The following CNTNAP4 variants were observed in gnomAD, a reference collection of about 807,000 sequenced individuals.
CNTNAP4 encodes contactin-associated protein-like 4.
Under a neutral mutation model 148.4 loss-of-function variants are expected in CNTNAP4, and 98 were observed. The observed-to-expected ratio is 0.66, with a 90% confidence interval of 0.56 to 0.78. The LOEUF is 0.78. Ranked by LOEUF, CNTNAP4 falls within the 30% of genes least tolerant of loss-of-function variation. The pLI is 0.00. For synonymous variants in CNTNAP4, 730 were observed against 565.1 expected (o/e 1.29, Z -4.14); for missense variants, 1,935 against 1,565.6 (o/e 1.24, Z -3.98).
chr16:76,391,995 A>ATGTG (rs1178806446), intron 3 of CNTNAP4, among the ~76,000 whole-genome samples: 6 of 117,116 alleles, frequency 5.1e-5, no homozygotes, highest in African/African-American at 1.5e-4. Flanking sequence ...AAGTATCCTA[A>ATGTG]TGTGTTTGTT....
At chr16:76,461,382 T>C (rs1382276352) in intron 8 of CNTNAP4, among the ~76,000 whole-genome samples, 1 of 152,126 alleles carries the variant, frequency 6.6e-6, no homozygotes, top group Non-Finnish European at 1.5e-5. Context: ...GAGTTACAAG[T>C]AAGTTCTAAT....
intron 3 of CNTNAP4, among the ~76,000 whole-genome samples, chr16:76,368,764 A>ATACC (rs2014448141): frequency 6.6e-6 from 1 of 152,190 alleles, no homozygotes; most frequent in Non-Finnish European, 1.5e-5. Flanking sequence ...TGGCACATGT[A>ATACC]TACCTATGTA....
chr16:76,458,669 A>C (rs72797084), intron 8 of CNTNAP4, among the ~76,000 whole-genome samples: 6,583 of 152,196 alleles, frequency 0.043, 310 homozygotes, highest in African/African-American at 0.12. Context: ...TGGTAATGCA[A>C]GTGATAGGAG....
At chr16:76,284,522 T>A (rs963787917) in intron 1 of CNTNAP4, among the ~76,000 whole-genome samples, 1 of 151,966 alleles carries the variant, frequency 6.6e-6, no homozygotes, top group Non-Finnish European at 1.5e-5. Flanking sequence ...AAGATTAACA[T>A]TGGAATTGGA....
At chr16:76,356,174 C>T (rs1179326114) in intron 3 of CNTNAP4, among the ~76,000 whole-genome samples, 1 of 152,042 alleles carries the variant, frequency 6.6e-6, no homozygotes, top group Non-Finnish European at 1.5e-5. Flanking sequence ...TGAGCCCAGC[C>T]TGCATTGTCT....
In CNTNAP4 at chr16:76,535,760, T is replaced by C. The variant is rs770335753; in HGVS notation, c.2971T>C (p.Tyr991His). 6 of 1,613,888 alleles carry C rather than the reference T, an allele frequency of 3.7e-6. No individual in the cohort carries two copies. The highest frequency in any genetic ancestry group is 5.1e-6 in the Non-Finnish European group (6 of 1,179,838). Residue 991 changes from tyrosine to histidine, a missense_variant, in exon 18 of 24, where the codon TAC (tyrosine) becomes CAC (histidine). Coordinates refer to ENST00000611870, the MANE Select transcript of CNTNAP4 (RefSeq NM_033401.5). ...CTTTTGTGACTGCACTTTCTCTGCA[T>C]ACACAGGGCCATTCTGCTCAAATGG... ...GFFCDCTFSA[Y>H]TGPFCSNEIS...
chr16:76,360,665 C>T (rs1466308063), intron 3 of CNTNAP4, among the ~76,000 whole-genome samples: 3 of 152,190 alleles, frequency 2.0e-5, no homozygotes, highest in Non-Finnish European at 2.9e-5. Context: ...TTTTATCTTT[C>T]AAGAGACTGA....
chr16:76,457,103 A>G (rs115530458), intron 8 of CNTNAP4, among the ~76,000 whole-genome samples: 1,852 of 152,336 alleles, frequency 0.012, 34 homozygotes, highest in African/African-American at 0.043. Context: ...TACTTACACA[A>G]TATCAGAAAC....
At position 76,452,684 on chromosome 16, in the gene CNTNAP4, A is replaced by G. The variant is rs28584228; in HGVS notation, c.1248A>G (p.Ser416=). The G allele has an allele frequency of 0.1, 169,075 of 1,613,512 alleles. 10,715 individuals are homozygous for G. The highest frequency in any genetic ancestry group is 0.24 in the South Asian group (21,674 of 91,000). The change falls in exon 8 of 24, where the codon TCA becomes TCG. Residue 416 remains serine, a synonymous_variant. Transcript: ENST00000611870. ...LLLFSELQLI[S]GGILLFLSDG... is the part of the protein sequence containing the mutation. ...TGTTCAGTGAACTTCAGCTGATTTCAGGGGGTATCCTCCTCTTTCTGAGTG... is the reference window on the plus strand; with the variant it reads ...TGTTCAGTGAACTTCAGCTGATTTCGGGGGGTATCCTCCTCTTTCTGAGTG...
chr16:76,460,448 C>T (rs1451154850), intron 8 of CNTNAP4, among the ~76,000 whole-genome samples: 8 of 151,404 alleles, frequency 5.3e-5, no homozygotes, highest in African/African-American at 1.9e-4. Context: ...TCTGTTCAGT[C>T]CCTTCCCATA....
intron 3 of CNTNAP4, among the ~76,000 whole-genome samples, chr16:76,377,641 C>T (rs558351582): frequency 3.3e-5 from 5 of 152,206 alleles, no homozygotes; most frequent in Non-Finnish European, 5.9e-5. Flanking sequence ...CTGTGGTTTG[C>T]CAGAGGACCT....
chr16:76,347,766 C>G (rs894142161), intron 2 of CNTNAP4, among the ~76,000 whole-genome samples: 1 of 151,624 alleles, frequency 6.6e-6, no homozygotes, highest in Non-Finnish European at 1.5e-5. Flanking sequence ...ATTCAAAGAA[C>G]AGCAAGGAGG....
At chr16:76,556,393 C>G (rs1046533876) in intron 23 of CNTNAP4, among the ~76,000 whole-genome samples, 2 of 152,070 alleles carry the variant, frequency 1.3e-5, no homozygotes, top group Admixed American at 6.6e-5. Flanking sequence ...CACGTGTGAT[C>G]AAAGTTTTTC....
chr16:76,339,521 G>T (rs1348525152), intron 2 of CNTNAP4, among the ~76,000 whole-genome samples: 1 of 151,850 alleles, frequency 6.6e-6, no homozygotes, highest in Non-Finnish European at 1.5e-5. Context: ...ACACTCTAGA[G>T]AAGATTGATG....
chr16:76,553,809 T>A, intron 22 of CNTNAP4, 27 bp from the exon 23 acceptor site: 1 of 1,494,574 alleles, frequency 6.7e-7, no homozygotes, highest in East Asian at 2.3e-5. Flanking sequence ...TATATCACCT[T>A]CCCCCTTTGT....
At chr16:76,376,001 C>G (rs772505244) in intron 3 of CNTNAP4, among the ~76,000 whole-genome samples, 16 of 151,662 alleles carry the variant, frequency 1.1e-4, no homozygotes, top group Non-Finnish European at 2.9e-5. Flanking sequence ...CAATACTATA[C>G]ACATGAAAGA....
intron 23 of CNTNAP4, among the ~76,000 whole-genome samples, chr16:76,555,439 T>G (rs2144426421): frequency 6.6e-6 from 1 of 152,324 alleles, no homozygotes; most frequent in South Asian, 2.1e-4. Flanking sequence ...CAGTAAAAAC[T>G]CACTTAAAGC....
intron 2 of CNTNAP4, among the ~76,000 whole-genome samples, chr16:76,346,630 A>T (rs1360042338): frequency 1.3e-5 from 2 of 152,162 alleles, no homozygotes; most frequent in African/African-American, 4.8e-5. Context: ...CCTGATTATC[A>T]TCTGAATTTC....
chr16:76,345,891 A>T (rs59062545), intron 2 of CNTNAP4, among the ~76,000 whole-genome samples: 1 of 152,052 alleles, frequency 6.6e-6, no homozygotes, highest in East Asian at 1.9e-4. Flanking sequence ...GTTGAGGGCA[A>T]TGTTAAAGCT....
Sources: allele counts gnomAD v4.1 joint callset (sites outside exome capture counted in the v4.1 genomes callset), GRCh38; gene constraint gnomAD v4.1.1; transcripts MANE v1.5; gene names NCBI Gene and HGNC (gene_info 2026-07-23, HGNC 2026-07-21).